The following ZNF311 variants were observed in gnomAD, a reference collection of about 807,000 sequenced individuals.
ZNF311 encodes the protein zinc finger protein zfp31.
Under a neutral mutation model 22.7 loss-of-function variants are expected in ZNF311, and 14 were observed. That is an observed-to-expected ratio of 0.62 (90% CI 0.41 to 0.96). The LOEUF (loss-of-function observed/expected upper bound fraction) is 0.96. ZNF311 is among the 40% of genes least tolerant of loss of function. The pLI, the probability that ZNF311 is intolerant of heterozygous loss-of-function variation, is 0.00. For synonymous variants in ZNF311, 250 were observed against 275.3 expected, an observed-to-expected ratio of 0.91 and a Z score of 0.91; for missense variants, 731 against 799.0, an observed-to-expected ratio of 0.91 and a Z score of 1.03.
chr6:29,001,068 G>A (rs529543603), intron 3 of ZNF311, among the ~76,000 whole-genome samples: 1 of 152,260 alleles, frequency 6.6e-6, no homozygotes, highest in South Asian at 2.1e-4. Context: ...GAGCCACCAC[G>A]CCCAGCTGAG....
At chr6:29,003,167 A>G (rs1487635459) in intron 3 of ZNF311, among the ~76,000 whole-genome samples, 4 of 152,208 alleles carry the variant, frequency 2.6e-5, no homozygotes, top group Non-Finnish European at 4.4e-5. Flanking sequence ...GAATTATACC[A>G]CAAGTTTTAT....
intron 3 of ZNF311, 87 bp from the exon 4 acceptor site, chr6:29,000,134 A>C: frequency 8.0e-7 from 1 of 1,247,474 alleles, no homozygotes; most frequent in Non-Finnish European, 1.1e-6. Context: ...CAAATGTAGA[A>C]GCTTCTGCAG....
Position 28,995,687 on chromosome 6 carries a change from G to A in ZNF311, c.1315C>T (p.Arg439Trp), listed in dbSNP as rs1010035148. Residue 439 changes from arginine to tryptophan, a missense_variant, in exon 7 of 7, where the codon CGG becomes TGG. Arg to Trp is a moderately radical substitution (Grantham distance 101, BLOSUM62 -3). Coordinates refer to ENST00000377179, the MANE Select transcript of ZNF311 (RefSeq NM_001382360.1). The surrounding 1 kb of genome is among the most constrained non-coding windows in gnomAD (Gnocchi z 4.7). ...TGGGGACACCCATAGTGTTTCTCCCGAGTATGGATTCGTTTGTGTTTGCTT... is the reference window on the plus strand; with the variant it reads ...TGGGGACACCCATAGTGTTTCTCCCAAGTATGGATTCGTTTGTGTTTGCTT... ...DLSKHKRIHT[R>W]EKHYGCPQCG... The A allele has an allele frequency of 5.6e-6, 9 of 1,613,376 alleles. No homozygotes were observed. In the Admixed American group the frequency reaches 6.7e-5, roughly 12 times the overall value.
intron 2 of ZNF311, 55 bp from the exon 3 acceptor site, chr6:29,003,649 T>C (rs1043708474): frequency 9.5e-6 from 15 of 1,585,220 alleles, no homozygotes; most frequent in Middle Eastern, 1.7e-4. Flanking sequence ...GAAAAATACA[T>C]AGGAAGATGC....
Position 28,995,393 on chromosome 6 carries a change from T to C in ZNF311, c.1609A>G (p.Ser537Gly). The change falls in exon 7 of 7, where the codon AGT becomes GGT. Residue 537 changes from serine (S) to glycine (G), a missense_variant. Transcript: ENST00000377179. This position sits in a 1 kb window ranked among gnomAD's most constrained non-coding sequence, Gnocchi z 4.7. ...YKCLECGKAFSGKSNLTNHRR... is the reference protein window; with the variant it reads ...YKCLECGKAFGGKSNLTNHRR... ...TGATTGGTCAAGTTTGACTTCCCAC[T>C]GAAAGCTTTCCCACACTCTAAACAT... 1 of 1,614,098 alleles carries C rather than the reference T, an allele frequency of 6.2e-7. No homozygotes were observed. Among genetic ancestry groups the C allele is most frequent in the Non-Finnish European group, 8.5e-7 (1 of 1,180,010 alleles).
intron 3 of ZNF311, among the ~76,000 whole-genome samples, chr6:29,002,570 T>G (rs756181843): frequency 2.6e-5 from 4 of 152,080 alleles, no homozygotes; most frequent in Admixed American, 2.0e-4. Flanking sequence ...TTTGATTTTA[T>G]GACTCCTGAA....
At position 28,996,528 on chromosome 6, in the gene ZNF311, A is replaced by C. The variant is rs747044708; in HGVS notation, c.474T>G (p.Phe158Leu). The C allele has an allele frequency of 6.2e-7, 1 of 1,605,444 alleles. No individual in the cohort carries two copies. The highest frequency in any genetic ancestry group is 8.5e-7 in the Non-Finnish European group (1 of 1,179,746). The change falls in exon 7 of 7, where the codon TTT (phenylalanine) becomes TTG (leucine). Residue 158 changes from phenylalanine (F) to leucine (L), a missense_variant. By Grantham distance (22) the Phe-to-Leu change is conservative. Coordinates refer to ENST00000377179, the MANE Select transcript of ZNF311 (RefSeq NM_001382360.1). The part of the protein sequence containing the change: ...NEKASSQQEI[F>L]ENGEAYWMKF... Reference sequence around the variant, plus strand: ...TCATCCAGTAGGCTTCTCCATTTTCAAAAATCTCTTGTTGTGAACTTGCCT... The same window carrying C: ...TCATCCAGTAGGCTTCTCCATTTTCCAAAATCTCTTGTTGTGAACTTGCCT...
Position 28,999,553 on chromosome 6 carries a change from T to C in ZNF311, c.244A>G (p.Thr82Ala). Reference protein sequence around the residue: ...NFTNREWQCLTYAQRHLYKDV... With the variant: ...NFTNREWQCLAYAQRHLYKDV... Reference sequence around the variant, plus strand: ...TTATAGAGATGCCTTTGAGCGTAGGTCAGACACTGCCACTCCCTGTTAGTG... The same window carrying C: ...TTATAGAGATGCCTTTGAGCGTAGGCCAGACACTGCCACTCCCTGTTAGTG... Residue 82 changes from threonine to alanine, a missense_variant, in exon 5 of 7, where the codon ACC becomes GCC. Physicochemically the swap from Thr to Ala is moderately conservative, Grantham distance 58 (BLOSUM62 0). Coordinates refer to ENST00000377179, the MANE Select transcript of ZNF311 (RefSeq NM_001382360.1). 6.2e-7 allele frequency: 1 copy of C among 1,613,684 alleles called. No homozygotes were observed. Among genetic ancestry groups the C allele is most frequent in the Non-Finnish European group, 8.5e-7 (1 of 1,180,002 alleles).
intron 3 of ZNF311, among the ~76,000 whole-genome samples, chr6:29,002,343 A>AT (rs1206869359): frequency 6.6e-6 from 1 of 152,152 alleles, no homozygotes; most frequent in Non-Finnish European, 1.5e-5. Context: ...AATAGCTATT[A>AT]TTTTTTATTT....
intron 6 of ZNF311, among the ~76,000 whole-genome samples, chr6:28,997,399 A>T (rs188661824): frequency 1.3e-5 from 2 of 152,274 alleles, no homozygotes; most frequent in African/African-American, 2.4e-5. Context: ...AATAATAAAT[A>T]AATTCATGTT....
In ZNF311 at chr6:28,996,497, TA is replaced by T. The variant is rs1779623443; in HGVS notation, c.504del (p.Phe168LeufsTer5). ...CGGGAATCAACTTTTAGGAGACTGT[TA>T]AATTTCATCCAGTAGGCTTCTCCAT... Reference protein sequence around the residue: ...FENGEAYWMKFNSLLKVDSRD... With the variant: ...FENGEAYWMKXNSLLKVDSRD... On this transcript the variant is annotated frameshift_variant, in exon 7 of 7. Coordinates refer to ENST00000377179, the MANE Select transcript of ZNF311 (RefSeq NM_001382360.1). LOFTEE classifies it low-confidence loss of function (END_TRUNC). 1 of 1,607,622 alleles carries T rather than the reference TA, an allele frequency of 6.2e-7. No individual in the cohort carries two copies. Among genetic ancestry groups the T allele is most frequent in the Non-Finnish European group, 8.5e-7 (1 of 1,180,014 alleles).
Position 29,003,928 on chromosome 6 carries a change from A to G in ZNF311, c.9+18T>C. ...CTTCTTCCTCCTTGTGATGTATCAC[A>G]GACCCTCCTCTTCTTACCTCCTGCA... On this transcript the variant is annotated intron_variant, in intron 2 of 6. Coordinates refer to ENST00000377179, the MANE Select transcript of ZNF311 (RefSeq NM_001382360.1). 6.2e-7 allele frequency: 1 copy of G among 1,612,852 alleles called. No individual in the cohort carries two copies. Among genetic ancestry groups the G allele is most frequent in the Non-Finnish European group, 8.5e-7 (1 of 1,179,862 alleles).
intron 6 of ZNF311, among the ~76,000 whole-genome samples, chr6:28,998,002 C>T (rs1201796206): frequency 1.3e-5 from 2 of 152,110 alleles, no homozygotes; most frequent in African/African-American, 2.4e-5. Flanking sequence ...CTCCCCAAAG[C>T]TATTCTAAGT....
rs981666556 is a variant in ZNF311, at chr6:29,004,126, G to A, written c.-172C>T. On this transcript the variant is annotated 5_prime_UTR_variant, in exon 2 of 7. Transcript: ENST00000377179. Reference sequence around the variant, plus strand: ...AGGGCCCTTCTTGACCCACAGTGCCGCTACTGTTTGGCTTAATGTGTCAAA... The same window carrying A: ...AGGGCCCTTCTTGACCCACAGTGCCACTACTGTTTGGCTTAATGTGTCAAA... The A allele has an allele frequency of 1.4e-5, 22 of 1,524,104 alleles. No individual in the cohort carries two copies. The highest frequency in any genetic ancestry group is 1.2e-4 in the Admixed American group (6 of 48,066). 94.4% of individuals were successfully genotyped at this position (1,524,104 alleles called of 1,614,324 possible).
chr6:28,999,861 T>C lies in ZNF311; in HGVS notation c.183+95A>G, dbSNP rs961796702. The C allele has an allele frequency of 5.9e-6, 8 of 1,365,582 alleles. No homozygotes were observed. The Admixed American group carries it at 1.6e-4, about 27-fold the overall frequency. 84.6% of individuals were successfully genotyped at this position (1,365,582 alleles called of 1,614,324 possible). A position where few individuals can be genotyped will look rare whatever the true frequency, so the allele number is the denominator to read the frequency against. On this transcript the variant is annotated intron_variant, in intron 4 of 6. Coordinates refer to ENST00000377179, the MANE Select transcript of ZNF311 (RefSeq NM_001382360.1). ...CCTTATGAGAGGGAGAACATTGATT[T>C]AGGAGTTGCACAGCCAGAGAACGCA...
rs1781028866 is a variant in ZNF311 at position 29,005,215 on chromosome 6, G to A, written c.-468C>T. 6.6e-6 allele frequency: 1 copy of A among 151,456 alleles called. No homozygotes were observed. The highest frequency in any genetic ancestry group is 1.5e-5 in the Non-Finnish European group (1 of 67,974). The allele number at this position is 151,456 out of a possible 1,614,324, so 9.4% of individuals were successfully genotyped here. ...TAAAACAGCGCTTGCAATAGTATGT[G>A]CTGGATTAAAAATTAGCTGACTGAA... On this transcript the variant is annotated 5_prime_UTR_variant, in exon 1 of 7. Coordinates refer to ENST00000377179, the MANE Select transcript of ZNF311 (RefSeq NM_001382360.1).
rs1254898491 is a variant in ZNF311, at chr6:28,996,178, T to C, written c.824A>G (p.His275Arg). 1 of 1,613,566 alleles carries C rather than the reference T, an allele frequency of 6.2e-7. No homozygotes were observed. The highest frequency in any genetic ancestry group is 1.7e-5 in the Admixed American group (1 of 60,020). Residue 275 changes from histidine (H) to arginine (R), a missense_variant, in exon 7 of 7, where the codon CAT becomes CGT. By Grantham distance (29) the His-to-Arg change is conservative. Transcript: ENST00000377179. The stretch of plus-strand genomic sequence containing the variant: ...TGCTTTCCCACACTCATTACACACA[T>C]GGGGTTTCTCACCAGAATGAATTTG... ...HEQIHSGEKP[H>R]VCNECGKAFK...
chr6:29,003,915 T>G (rs1212856703), intron 2 of ZNF311, 31 bp downstream of exon 2: 3 of 1,612,900 alleles, frequency 1.9e-6, no homozygotes. Context: ...TCTTCCTCCT[T>G]GTGATGTATC....
In ZNF311 at chr6:28,996,148, T is replaced by C; in HGVS notation, c.854A>G (p.Lys285Arg). The change falls in exon 7 of 7, where the codon AAG (lysine) becomes AGG (arginine). Residue 285 changes from lysine to arginine, a missense_variant. Physicochemically the swap from Lys to Arg is conservative, Grantham distance 26. Coordinates refer to ENST00000377179, the MANE Select transcript of ZNF311 (RefSeq NM_001382360.1). ...GTGCATAGAAAGCTGATTTCTGGTC[T>C]TGAATGCTTTCCCACACTCATTACA... ...HVCNECGKAF[K>R]TRNQLSMHRI... 2 of 1,613,336 alleles carry C rather than the reference T, an allele frequency of 1.2e-6. No individual in the cohort carries two copies. The highest frequency in any genetic ancestry group is 1.7e-6 in the Non-Finnish European group (2 of 1,179,982).
Sources: gnomAD v4.1 joint callset for allele counts (sites outside exome capture counted in the v4.1 genomes callset) on GRCh38, gnomAD v4.1.1 for gene constraint, Gnocchi (gnomAD v3.1) non-coding constraint, MANE v1.5 for transcripts, NCBI Gene and HGNC (gene_info 2026-07-23, HGNC 2026-07-21) for gene names.